Variants in NAA60 observed in about 807,000 individuals in gnomAD.
NAA60 encodes N-alpha-acetyltransferase 60.
A neutral mutation model predicts 26.1 loss-of-function variants in NAA60; 8 were observed. That is an observed-to-expected ratio of 0.31 (90% CI 0.18 to 0.55). NAA60 has a LOEUF of 0.55. Ranked by LOEUF, NAA60 falls within the 20% of genes least tolerant of loss-of-function variation. The probability of loss-of-function intolerance (pLI) is 0.93; values close to 1 mark genes in which losing one functional copy is unlikely to be tolerated. For synonymous variants in NAA60, 131 were observed against 122.5 expected, an observed-to-expected ratio of 1.07 and a Z score of -0.46; for missense variants, 290 against 311.3, an observed-to-expected ratio of 0.93 and a Z score of 0.51.
chr16:3,456,293 C>G (rs1474010621), intron 2 of NAA60, among the ~76,000 whole-genome samples: 3 of 152,154 alleles, frequency 2.0e-5, no homozygotes, highest in African/African-American at 7.2e-5. Flanking sequence ...TTAGCAAGCT[C>G]CCAGGTGATG....
At chr16:3,474,721 AGCAGCTTTCAGCT>A in intron 2 of NAA60, among the ~76,000 whole-genome samples, 1 of 152,238 alleles carries the variant, frequency 6.6e-6, no homozygotes, top group East Asian at 1.9e-4. Context: ...ACCTGCCCCC[AGCAGCTTTCAGCT>A]GCGGATTTCA....
At chr16:3,462,199 G>C (rs755716786) in intron 2 of NAA60, among the ~76,000 whole-genome samples, 22 of 151,346 alleles carry the variant, frequency 1.5e-4, no homozygotes, top group African/African-American at 5.1e-4. Context: ...AAATAGGGTC[G>C]ATTTGGCCAG....
At chr16:3,464,759 C>G (rs540052719) in intron 2 of NAA60, among the ~76,000 whole-genome samples, 2 of 152,314 alleles carry the variant, frequency 1.3e-5, no homozygotes, top group East Asian at 1.9e-4. Flanking sequence ...CAGGTTGACC[C>G]ATTCACTCAA....
chr16:3,482,346 G>T (rs1743299408), intron 4 of NAA60, among the ~76,000 whole-genome samples, 156 bp from the exon 5 acceptor site: 1 of 152,162 alleles, frequency 6.6e-6, no homozygotes, highest in Non-Finnish European at 1.5e-5. Context: ...CTTGGGGAGT[G>T]GGGGCCCCTC....
intron 7 of NAA60, 57 bp from the exon 8 acceptor site, chr16:3,485,410 G>T: frequency 2.2e-6 from 1 of 463,236 alleles, no homozygotes; most frequent in South Asian, 1.5e-5. Context: ...AGGGTGTGGG[G>T]TGGGCAGAGT....
chr16:3,475,709 A>G (rs1010650461), intron 2 of NAA60, among the ~76,000 whole-genome samples: 39 of 152,072 alleles, frequency 2.6e-4, no homozygotes, highest in African/African-American at 8.9e-4. Context: ...CCCACTCAGC[A>G]CAAACCCACG....
chr16:3,460,697 T>C (rs946814997), intron 2 of NAA60, among the ~76,000 whole-genome samples: 1 of 152,212 alleles, frequency 6.6e-6, no homozygotes, highest in African/African-American at 2.4e-5. Context: ...CTTTTCCTGG[T>C]TTGCAGAAAG....
In NAA60 at chr16:3,485,934, C is replaced by A; in HGVS notation, c.*674C>A. The A allele has an allele frequency of 3.1e-6, 1 of 326,444 alleles. No individual in the cohort carries two copies. Among genetic ancestry groups the A allele is most frequent in the Non-Finnish European group, 6.1e-6 (1 of 164,776 alleles). The allele number at this position is 326,444 out of a possible 1,614,324, so 20.2% of individuals were successfully genotyped here. ...GACGGTTCCTACTCCTCAGCACCTT[C>A]CGTGCAGTTACCAGTGCCCTGGGAG... is the stretch of plus-strand genomic sequence containing the variant. On this transcript the variant is annotated 3_prime_UTR_variant, in exon 8 of 8. Coordinates refer to ENST00000407558, the MANE Select transcript of NAA60 (RefSeq NM_001083601.3).
At chr16:3,445,462 GT>G (rs1240239457) in intron 1 of NAA60, among the ~76,000 whole-genome samples, 1 of 150,960 alleles carries the variant, frequency 6.6e-6, no homozygotes, top group African/African-American at 2.4e-5. Flanking sequence ...TGTATTTTTA[GT>G]AGAGATGGGG....
chr16:3,486,544 G>A lies in NAA60; in HGVS notation c.*1284G>A, dbSNP rs1158792457. The A allele has an allele frequency of 6.6e-6, 1 of 152,270 alleles. No homozygotes were observed. The highest frequency in any genetic ancestry group is 2.4e-5 in the African/African-American group (1 of 41,444). 9.4% of individuals were successfully genotyped at this position (152,270 alleles called of 1,614,324 possible). A position where few individuals can be genotyped will look rare whatever the true frequency, so the allele number is the denominator to read the frequency against. On this transcript the variant is annotated 3_prime_UTR_variant, in exon 8 of 8. Transcript: ENST00000407558. ...CCCCTCTTGAACTCAGCTGGGGCCA[G>A]GGGCCCTCAGAATGAAGGCAGGCAC...
At chr16:3,454,781 TCA>T (rs2034911828) in intron 2 of NAA60, among the ~76,000 whole-genome samples, 1 of 152,152 alleles carries the variant, frequency 6.6e-6, no homozygotes, top group Non-Finnish European at 1.5e-5. Flanking sequence ...TCTGAACTCA[TCA>T]CAGAGCCAAG....
chr16:3,464,390 A>C, intron 2 of NAA60, among the ~76,000 whole-genome samples: 1 of 152,206 alleles, frequency 6.6e-6, no homozygotes, highest in Non-Finnish European at 1.5e-5. Flanking sequence ...AAAAGCAAAA[A>C]GGCAACAAAA....
chr16:3,450,752 C>T (rs1419888431), intron 2 of NAA60, among the ~76,000 whole-genome samples: 1 of 138,972 alleles, frequency 7.2e-6, no homozygotes, highest in Non-Finnish European at 1.6e-5. Context: ...GGAAAGCATA[C>T]AGGTTTTAAT....
intron 5 of NAA60, 55 bp from the exon 6 acceptor site, chr16:3,483,308 T>TCATC (rs2036965611): frequency 1.5e-6 from 2 of 1,334,734 alleles, no homozygotes; most frequent in Non-Finnish European, 2.1e-6. Context: ...CCTAGCCCAG[T>TCATC]CATCCTTCCT....
intron 4 of NAA60, among the ~76,000 whole-genome samples, chr16:3,480,495 G>A (rs1360765575): frequency 6.6e-6 from 1 of 151,912 alleles, no homozygotes. Flanking sequence ...TATTTGGGAG[G>A]CTGAGGCAGG....
chr16:3,456,683 G>C (rs1337278888), intron 2 of NAA60: 1 of 152,146 alleles, frequency 6.6e-6, no homozygotes, highest in African/African-American at 2.4e-5. Flanking sequence ...CCTGCTGAAG[G>C]GGGTGGGATT....
At chr16:3,468,446 G>C (rs893307984) in intron 2 of NAA60, among the ~76,000 whole-genome samples, 3 of 152,212 alleles carry the variant, frequency 2.0e-5, no homozygotes, top group African/African-American at 7.2e-5. Flanking sequence ...AGGGGGCTCA[G>C]CTTGGCTCTG....
At chr16:3,457,260 A>G (rs899072053) in intron 2 of NAA60, among the ~76,000 whole-genome samples, 1 of 152,128 alleles carries the variant, frequency 6.6e-6, no homozygotes, top group Non-Finnish European at 1.5e-5. Context: ...AGCCTGGGCA[A>G]CATAATGACA....
intron 2 of NAA60, among the ~76,000 whole-genome samples, chr16:3,452,977 C>A (rs1399130687): frequency 6.6e-6 from 1 of 151,806 alleles, no homozygotes; most frequent in Non-Finnish European, 1.5e-5. Context: ...AAAGACTAAT[C>A]CCCTATGTTG....
Sources: allele counts gnomAD v4.1 joint callset (sites outside exome capture counted in the v4.1 genomes callset), GRCh38; gene constraint gnomAD v4.1.1; transcripts MANE v1.5; gene names NCBI Gene and HGNC (gene_info 2026-07-23, HGNC 2026-07-21).